Variants in TAB1 observed in about 807,000 individuals in gnomAD.
TAB1 encodes TGF-beta activated kinase 1 (MAP3K7) binding protein 1.
In TAB1, 30 loss-of-function variants were observed where a neutral mutation model predicts 54.5. That is an observed-to-expected ratio of 0.55 (90% confidence interval 0.41 to 0.75). The LOEUF (loss-of-function observed/expected upper bound fraction) is 0.75, where lower values mean the gene tolerates loss of function less well. Among genes scored for constraint, TAB1 ranks in the 30% least tolerant of loss-of-function variants. The pLI is 0.00. For missense variants in TAB1, 609 were observed against 683.2 expected, an observed-to-expected ratio of 0.89 and a Z score of 1.21; for synonymous variants, 289 against 286.9, an observed-to-expected ratio of 1.01 and a Z score of -0.07.
chr22:39,431,489 A>C lies in TAB1; in HGVS notation c.*1267A>C, dbSNP rs996931632. 4.9e-5 allele frequency: 48 copies of C among 985,628 alleles called. No homozygotes were observed. In the African/African-American group the frequency reaches 8.0e-4, roughly 16 times the overall value. 61.1% of individuals were successfully genotyped at this position (985,628 alleles called of 1,614,324 possible). The stretch of plus-strand genomic sequence containing the variant: ...CCAGTCTCCCTGCCCCCCATGCCCC[A>C]GACCGGCCCACCAGGGACTAGCCGC... On this transcript the variant is annotated 3_prime_UTR_variant, in exon 11 of 11. Coordinates refer to ENST00000216160, the MANE Select transcript of TAB1 (RefSeq NM_006116.3).
chr22:39,403,474 G>C (rs1022852112), intron 1 of TAB1, among the ~76,000 whole-genome samples: 2 of 152,178 alleles, frequency 1.3e-5, no homozygotes, highest in African/African-American at 2.4e-5. Context: ...GTGCCTTGGG[G>C]GAGCTTGGGA....
Position 39,416,827 on chromosome 22 carries a change from A to C in TAB1, c.361A>C (p.Ile121Leu). ...DVVERSFLES[I>L]DDALAEKASL... ...GGTGGAGAGGAGCTTCCTGGAGTCC[A>C]TTGACGACGCCTTGGCTGAGAAGGC... The change falls in exon 4 of 11, where the codon ATT becomes CTT. Residue 121 changes from isoleucine (I) to leucine (L), a missense_variant. Transcript: ENST00000216160. 6.2e-7 allele frequency: 1 copy of C among 1,614,194 alleles called. No homozygotes were observed. The highest frequency in any genetic ancestry group is 2.2e-5 in the East Asian group (1 of 44,884).
intron 4 of TAB1, 50 bp from the exon 5 acceptor site, chr22:39,417,661 A>G (rs1427765994): frequency 1.3e-6 from 2 of 1,518,084 alleles, no homozygotes; most frequent in Admixed American, 4.5e-5. Context: ...GAGGGCTAGG[A>G]AGATGGTCCA....
chr22:39,415,130 G>C lies in TAB1; in HGVS notation c.158G>C (p.Trp53Ser), dbSNP rs1343564477. 3 of 1,591,608 alleles carry C rather than the reference G, an allele frequency of 1.9e-6. No individual in the cohort carries two copies. The highest frequency in any genetic ancestry group is 2.6e-6 in the Non-Finnish European group (3 of 1,165,676). ...GAGAGCCACCCGCCAGAGGACAGCT[G>C]GCTCAAGTTCAGGTGTGTGTGCCAG... is the stretch of plus-strand genomic sequence containing the variant. ...GTESHPPEDSWLKFRSENNCF... is the reference protein window; with the variant it reads ...GTESHPPEDSSLKFRSENNCF... Residue 53 changes from tryptophan (W) to serine (S), a missense_variant, in exon 2 of 11, where the codon TGG (tryptophan) becomes TCG (serine). By Grantham distance (177) the Trp-to-Ser change is radical. Transcript: ENST00000216160. This position sits in a 1 kb window ranked among gnomAD's most constrained non-coding sequence, Gnocchi z 4.9.
downstream of TAB1, chr22:39,433,815 T>C (rs1927679324): frequency 2.0e-6 from 2 of 985,294 alleles, no homozygotes; most frequent in Admixed American, 1.2e-4. Context: ...CGGGGCTAGT[T>C]CCTTCTTGTC....
In TAB1 at chr22:39,430,522, G is replaced by A. The variant is rs34258099; in HGVS notation, c.*300G>A. 2,802 of 1,282,074 alleles carry A rather than the reference G, an allele frequency of 2.2e-3. 60 individuals are homozygous for A. The African/African-American group carries it at 0.035, about 16-fold the overall frequency. The allele number at this position is 1,282,074 out of a possible 1,614,324, so 79.4% of individuals were successfully genotyped here. On this transcript the variant is annotated 3_prime_UTR_variant, in exon 11 of 11. Coordinates refer to ENST00000216160, the MANE Select transcript of TAB1 (RefSeq NM_006116.3). ...AGAAACCGCAGTGGGCCTGCAAGCC[G>A]CCCGAGCCTCCCCAGCAGCCTCCTA...
At chr22:39,436,715 A>G (rs1927800488), downstream of TAB1, 8 of 644,610 alleles carry the variant, frequency 1.2e-5, no homozygotes, top group Non-Finnish European at 2.2e-5. Context: ...CCCCTCCCTC[A>G]TGCATCTGTG....
downstream of TAB1, among the ~76,000 whole-genome samples, chr22:39,436,152 G>A (rs190495925): frequency 6.6e-6 from 1 of 152,262 alleles, no homozygotes; most frequent in Admixed American, 6.5e-5. Flanking sequence ...AAGTAGCCAG[G>A]CGTTGTGGTG....
intron 8 of TAB1, among the ~76,000 whole-genome samples, chr22:39,425,873 CTTTT>C (rs756738890): frequency 4.5e-5 from 6 of 134,602 alleles, no homozygotes; most frequent in Admixed American, 1.5e-4. Context: ...ACGATATTTT[CTTTT>C]TTTTTTTTTT....
chr22:39,403,167 C>T (rs936112163), intron 1 of TAB1, among the ~76,000 whole-genome samples: 1 of 152,250 alleles, frequency 6.6e-6, no homozygotes, highest in African/African-American at 2.4e-5. Flanking sequence ...CAGGAGACAC[C>T]GCCTTTGTGG....
rs118074217 is a variant in TAB1, at chr22:39,430,044, C to T, written c.1337C>T (p.Thr446Ile). 1,432 of 1,613,890 alleles carry T rather than the reference C, an allele frequency of 8.9e-4. 2 individuals are homozygous for T. The highest frequency in any genetic ancestry group is 1.1e-3 in the Non-Finnish European group (1,295 of 1,180,034). ...AGCCCGACCTTAACCCTGCAGTCCACCAACACGCACACGCAGAGCAGCAGC... is the reference window on the plus strand; with the variant it reads ...AGCCCGACCTTAACCCTGCAGTCCATCAACACGCACACGCAGAGCAGCAGC... ...NQSPTLTLQS[T>I]NTHTQSSSSS... The change falls in exon 11 of 11, where the codon ACC becomes ATC. Residue 446 changes from threonine to isoleucine, a missense_variant. Thr to Ile is a moderately conservative substitution (Grantham distance 89). Transcript: ENST00000216160.
At chr22:39,436,754 G>A (rs1224005936), downstream of TAB1, 13 of 599,578 alleles carry the variant, frequency 2.2e-5, no homozygotes, top group Admixed American at 3.8e-4. Context: ...ACCTAGAATG[G>A]CCCATCCTTC....
intron 1 of TAB1, among the ~76,000 whole-genome samples, chr22:39,403,205 C>G (rs891646563): frequency 3.9e-5 from 6 of 152,258 alleles, no homozygotes; most frequent in Non-Finnish European, 8.8e-5. Flanking sequence ...AGGGGACAGA[C>G]AGTGAGCACC....
Position 39,428,155 on chromosome 22 carries a change from C to T in TAB1, c.1279C>T (p.Leu427=), listed in dbSNP as rs947321063. ...MVNGAHSAST[L]DEATPTLTNQ... ...CAACGGGGCTCACAGTGCTTCCACC[C>T]TGGACGAAGCCACCCCCACCCTCAC... Residue 427 remains leucine, a synonymous_variant, in exon 10 of 11, where the codon CTG becomes TTG. Coordinates refer to ENST00000216160, the MANE Select transcript of TAB1 (RefSeq NM_006116.3). The T allele has an allele frequency of 1.2e-5, 20 of 1,610,700 alleles. No individual in the cohort carries two copies. Among genetic ancestry groups the T allele is most frequent in the Non-Finnish European group, 1.7e-5 (20 of 1,177,646 alleles).
At chr22:39,421,788 G>A (rs1383166203) in intron 7 of TAB1, 39 bp from the exon 8 acceptor site, 1 of 1,612,334 alleles carries the variant, frequency 6.2e-7, no homozygotes, top group East Asian at 2.2e-5. Flanking sequence ...CCTGCGGGCT[G>A]TTCCAAGCAA....
chr22:39,428,039 A>G lies in TAB1; in HGVS notation c.1163A>G (p.Tyr388Cys). The stretch of plus-strand genomic sequence containing the variant: ...CCCAAAGCTGCAGGAGGACGAGTGT[A>G]CCCTGTGTCTGTGCCATACTCCAGC... ...SPAPAAGGRVYPVSVPYSSAQ... is the reference protein window; with the variant it reads ...SPAPAAGGRVCPVSVPYSSAQ... The change falls in exon 10 of 11, where the codon TAC becomes TGC. Residue 388 changes from tyrosine to cysteine, a missense_variant. Transcript: ENST00000216160. 6.2e-7 allele frequency: 1 copy of G among 1,608,276 alleles called. No homozygotes were observed. The highest frequency in any genetic ancestry group is 8.5e-7 in the Non-Finnish European group (1 of 1,175,630).
At chr22:39,411,131 C>G (rs984233644) in intron 1 of TAB1, among the ~76,000 whole-genome samples, 1 of 152,124 alleles carries the variant, frequency 6.6e-6, no homozygotes, top group Non-Finnish European at 1.5e-5. Context: ...ACCTAAACCT[C>G]CTTCCTACCT....
intron 1 of TAB1, among the ~76,000 whole-genome samples, chr22:39,409,851 G>A (rs1312089086): frequency 1.3e-5 from 2 of 152,140 alleles, no homozygotes; most frequent in Non-Finnish European, 2.9e-5. Flanking sequence ...CCCTAGAAGG[G>A]AGGCTTCAAA....
intron 1 of TAB1, among the ~76,000 whole-genome samples, chr22:39,410,219 T>A (rs928638246): frequency 3.3e-5 from 5 of 152,198 alleles, no homozygotes; most frequent in African/African-American, 4.8e-5. Flanking sequence ...GTGATTCTCC[T>A]GCCTCAGCCT....
Sources: gnomAD v4.1 joint callset for allele counts (sites outside exome capture counted in the v4.1 genomes callset) on GRCh38, gnomAD v4.1.1 for gene constraint, Gnocchi (gnomAD v3.1) non-coding constraint, MANE v1.5 for transcripts, NCBI Gene and HGNC (gene_info 2026-07-23, HGNC 2026-07-21) for gene names.